Variants in SPRED2 observed in about 807,000 individuals in gnomAD.
The protein encoded by SPRED2 is sprouty-related, EVH1 domain-containing protein 2.
In SPRED2, 47 loss-of-function variants were observed where a neutral mutation model predicts 43.0. That is an observed-to-expected ratio of 1.09 (90% confidence interval 0.87 to 1.40). The LOEUF (loss-of-function observed/expected upper bound fraction) is 1.40. SPRED2 is among the 40% of genes most tolerant of loss of function. The pLI is 0.00. For missense variants in SPRED2, 561 were observed against 586.4 expected, an observed-to-expected ratio of 0.96 and a Z score of 0.45; for synonymous variants, 225 against 225.7, an observed-to-expected ratio of 1.00 and a Z score of 0.03.
chr2:65,334,564 T>C (rs748609533), intron 3 of SPRED2, 41 bp downstream of exon 3: 1 of 1,596,550 alleles, frequency 6.3e-7, no homozygotes, highest in Admixed American at 1.7e-5. Flanking sequence ...ATTTGGAACA[T>C]TTCCATAGTC....
chr2:65,366,612 C>T, intron 1 of SPRED2: 2 of 1,553,584 alleles, frequency 1.3e-6, no homozygotes, highest in South Asian at 1.2e-5. Flanking sequence ...GCCATTTCCT[C>T]TACATTGTGG....
In SPRED2 at chr2:65,338,183, C is replaced by CTCTCCCG. The variant is rs1235703215; in HGVS notation, c.205-3411_205-3410insCGGGAGA. Among the ~76,000 whole-genome samples the CTCTCCCG allele has an allele frequency of 2.6e-3, 199 of 76,438 alleles. 48 individuals are homozygous for CTCTCCCG. The highest frequency in any genetic ancestry group is 0.012 in the African/African-American group (166 of 14,002). The allele number at this position is 76,438 out of a possible 152,430, so 50.1% of individuals were successfully genotyped here. ...TCTCCCTCTCCCGTCTCCCGTCTCCCTCTCCCTCTCCCGTCTCCCTCTCCC... is the reference window on the plus strand; with the variant it reads ...TCTCCCTCTCCCGTCTCCCGTCTCCCTCTCCCGTCTCCCTCTCCCGTCTCCCTCTCCC... On this transcript the variant is annotated intron_variant, in intron 2 of 5. Coordinates refer to ENST00000356388, the MANE Select transcript of SPRED2 (RefSeq NM_181784.3).
At chr2:65,322,254 CTCTCTCTCTCTCTCTCTA>C (rs1302808489) in intron 4 of SPRED2, among the ~76,000 whole-genome samples, 6 of 76,836 alleles carry the variant, frequency 7.8e-5, no homozygotes, top group East Asian at 3.9e-4. Context: ...CTCTCTCTCT[CTCTCTCTCTCTCTCTCTA>C]TATATATATA....
chr2:65,321,809 G>A (rs1673421431), intron 4 of SPRED2, among the ~76,000 whole-genome samples: 1 of 152,144 alleles, frequency 6.6e-6, no homozygotes, highest in South Asian at 2.1e-4. Flanking sequence ...GCCTTGATCT[G>A]TCACCCAGGC....
At chr2:65,401,658 C>T (rs763545003) in intron 1 of SPRED2, among the ~76,000 whole-genome samples, 1 of 151,578 alleles carries the variant, frequency 6.6e-6, no homozygotes, top group South Asian at 2.1e-4. Context: ...ATTAGCCGGG[C>T]ATGGTGGCGG....
chr2:65,373,833 G>C (rs529187351), intron 1 of SPRED2: 14 of 152,258 alleles, frequency 9.2e-5, no homozygotes, highest in Admixed American at 4.6e-4. Context: ...TCTTTTATTG[G>C]CTTCTACAGG....
At chr2:65,358,739 G>C (rs1674725047) in intron 1 of SPRED2, among the ~76,000 whole-genome samples, 1 of 152,164 alleles carries the variant, frequency 6.6e-6, no homozygotes, top group Admixed American at 6.5e-5. Flanking sequence ...ACATAAAATG[G>C]TGGGCAACTG....
chr2:65,328,105 T>C (rs561187904), intron 4 of SPRED2, among the ~76,000 whole-genome samples: 3 of 152,334 alleles, frequency 2.0e-5, no homozygotes, highest in Admixed American at 2.0e-4. Flanking sequence ...TTTTCTCTTT[T>C]ACTTGTCACC....
chr2:65,313,541 A>G lies in SPRED2; in HGVS notation c.1217T>C (p.Met406Thr), dbSNP rs1413329941. ...GTGCTTCCCGCCACAGCACCTGCAC[A>G]TCACTCCGCAGTGGTAGCAGGCCCG... ...PLRACYHCGV[M>T]CRCCGGKHKA... Residue 406 changes from methionine to threonine, a missense_variant, in exon 6 of 6, where the codon ATG becomes ACG. Physicochemically the swap from Met to Thr is moderately conservative, Grantham distance 81. Coordinates refer to ENST00000356388, the MANE Select transcript of SPRED2 (RefSeq NM_181784.3). 1.2e-6 allele frequency: 2 copies of G among 1,612,976 alleles called. No individual in the cohort carries two copies. The highest frequency in any genetic ancestry group is 1.7e-5 in the Admixed American group (1 of 59,892).
chr2:65,425,622 C>T (rs1339964259), intron 1 of SPRED2, among the ~76,000 whole-genome samples: 1 of 152,188 alleles, frequency 6.6e-6, no homozygotes, highest in East Asian at 1.9e-4. Flanking sequence ...TGTAACAATC[C>T]TTCATGTCTA....
chr2:65,343,863 T>A (rs1349908634), intron 2 of SPRED2, among the ~76,000 whole-genome samples: 4 of 152,118 alleles, frequency 2.6e-5, no homozygotes, highest in Admixed American at 6.5e-5. Context: ...TATAGAAGTA[T>A]GGGCCAGGCA....
In SPRED2 at chr2:65,312,388, A is replaced by ACCACTCTT. The variant is rs1673093903; in HGVS notation, c.*1105_*1112dup. On this transcript the variant is annotated 3_prime_UTR_variant, in exon 6 of 6. Coordinates refer to ENST00000356388, the MANE Select transcript of SPRED2 (RefSeq NM_181784.3). ...TAAACCCATGAAGAAAATGCAACCC[A>ACCACTCTT]CCACTCTTCAAATTTATGACATTTA... 1.0e-6 allele frequency: 1 copy of ACCACTCTT among 985,306 alleles called. No individual in the cohort carries two copies. Among genetic ancestry groups the ACCACTCTT allele is most frequent in the Non-Finnish European group, 1.2e-6 (1 of 829,928 alleles). The allele number at this position is 985,306 out of a possible 1,614,324, so 61.0% of individuals were successfully genotyped here.
At chr2:65,314,236 C>T in intron 5 of SPRED2, 67 bp from the exon 6 acceptor site, 1 of 1,430,200 alleles carries the variant, frequency 7.0e-7, no homozygotes, top group Non-Finnish European at 9.4e-7. Context: ...AAAAAAACAC[C>T]CCACCTTCTC....
At chr2:65,359,358 G>A (rs143612530) in intron 1 of SPRED2, among the ~76,000 whole-genome samples, 17 of 152,288 alleles carry the variant, frequency 1.1e-4, no homozygotes, top group Non-Finnish European at 1.8e-4. Flanking sequence ...GTTTTAACAC[G>A]TTAGTCTTAA....
chr2:65,419,756 A>G (rs539249560), intron 1 of SPRED2, among the ~76,000 whole-genome samples: 1 of 152,300 alleles, frequency 6.6e-6, no homozygotes, highest in Non-Finnish European at 1.5e-5. Flanking sequence ...CTTGGGAGAC[A>G]TTACGTATTT....
At chr2:65,412,994 C>T (rs36103180) in intron 1 of SPRED2, among the ~76,000 whole-genome samples, 18,329 of 152,166 alleles carry the variant, frequency 0.12, 1,669 homozygotes, top group Non-Finnish European at 0.17. Flanking sequence ...CCTTCTTCCC[C>T]ACCAAAGAAT....
At chr2:65,402,278 C>CAAAA (rs58209803) in intron 1 of SPRED2, among the ~76,000 whole-genome samples, 2 of 64,402 alleles carry the variant, frequency 3.1e-5, no homozygotes, top group African/African-American at 7.1e-5. Flanking sequence ...GACTCTGTCT[C>CAAAA]AAAAAAAAAA....
intron 1 of SPRED2, among the ~76,000 whole-genome samples, chr2:65,395,764 C>T (rs1675744771): frequency 6.6e-6 from 1 of 152,156 alleles, no homozygotes; most frequent in Non-Finnish European, 1.5e-5. Flanking sequence ...CAGTAATGAA[C>T]TCAAATATCA....
intron 4 of SPRED2, among the ~76,000 whole-genome samples, chr2:65,330,561 C>T (rs1205327327): frequency 1.3e-5 from 2 of 152,212 alleles, no homozygotes; most frequent in East Asian, 3.9e-4. Context: ...GCAAAGTCCC[C>T]CATTATCAAC....
Sources: gnomAD v4.1 joint callset for allele counts (sites outside exome capture counted in the v4.1 genomes callset) on GRCh38, gnomAD v4.1.1 for gene constraint, MANE v1.5 for transcripts, NCBI Gene and HGNC (gene_info 2026-07-23, HGNC 2026-07-21) for gene names.